FKRP: variants seen among roughly 807,000 people sequenced by gnomAD.
FKRP encodes the protein fukutin related protein, also known as ribitol 5-phosphate transferase FKRP.
FKRP carries 25 observed loss-of-function variants against 30.6 expected under a neutral mutation model. That is an observed-to-expected ratio of 0.82 (90% CI 0.60 to 1.14). The LOEUF is 1.14. FKRP is among the 50% of genes most tolerant of loss of function. The pLI is 0.00. For missense variants in FKRP, 771 were observed against 727.8 expected (o/e 1.06, Z -0.68); for synonymous variants, 358 against 342.5 (o/e 1.05, Z -0.50).
intron 3 of FKRP, among the ~76,000 whole-genome samples, chr19:46,751,712 C>T (rs2054796584): frequency 6.6e-6 from 1 of 152,054 alleles, no homozygotes; most frequent in Non-Finnish European, 1.5e-5. Context: ...ACTACAGGCG[C>T]CCGCCACCGC....
At chr19:46,747,415 CAG>C (rs2054672892) in intron 1 of FKRP, 1 of 121,248 alleles carries the variant, frequency 8.2e-6, no homozygotes, top group African/African-American at 3.3e-5. Flanking sequence ...TTTTTTGAGA[CAG>C]AGTGTAACTC....
chr19:46,753,557 T>G (rs1599929652), intron 3 of FKRP, among the ~76,000 whole-genome samples: 1 of 146,624 alleles, frequency 6.8e-6, no homozygotes, highest in African/African-American at 2.5e-5. Flanking sequence ...GAGATGAGGG[T>G]GGAATGGGGG....
At position 46,756,145 on chromosome 19, in the gene FKRP, C is replaced by A; in HGVS notation, c.695C>A (p.Ala232Glu). 1 of 1,477,660 alleles carries A rather than the reference C, an allele frequency of 6.8e-7. No homozygotes were observed. Among genetic ancestry groups the A allele is most frequent in the Non-Finnish European group, 8.9e-7 (1 of 1,122,720 alleles). 91.5% of individuals were successfully genotyped at this position (1,477,660 alleles called of 1,614,324 possible). ...CTGCAGACCGCCCTTCGCGGCTGGG[C>A]GGTGCAGCTGCTGGACTTGACCTTC... ...LFLQTALRGW[A>E]VQLLDLTFAA... The change falls in exon 4 of 4, where the codon GCG becomes GAG. Residue 232 changes from alanine (A) to glutamate (E), a missense_variant. Coordinates refer to ENST00000318584, the MANE Select transcript of FKRP (RefSeq NM_024301.5). This position sits in a 1 kb window ranked among gnomAD's most constrained non-coding sequence, Gnocchi z 6.6.
rs754403441 is a variant in FKRP, at chr19:46,756,585, C to CG, written c.1141dup (p.Ala381GlyfsTer9). ...GGACGTGGGCAACTGCGAGCAGCTG[C>CG]GGGGGGCAGAGGCCGGCTCGGTGGT... is the stretch of plus-strand genomic sequence containing the variant. On this transcript the variant is annotated frameshift_variant, in exon 4 of 4. Coordinates refer to ENST00000318584, the MANE Select transcript of FKRP (RefSeq NM_024301.5). LOFTEE classifies it high-confidence loss of function. This position sits in a 1 kb window ranked among gnomAD's most constrained non-coding sequence, Gnocchi z 6.6. 9.9e-6 allele frequency: 16 copies of CG among 1,610,046 alleles called. No homozygotes were observed. Among genetic ancestry groups the CG allele is most frequent in the African/African-American group, 1.3e-5 (1 of 74,862 alleles).
chr19:46,750,791 A>G (rs184684293), intron 3 of FKRP, among the ~76,000 whole-genome samples: 2 of 151,584 alleles, frequency 1.3e-5, no homozygotes, highest in Admixed American at 1.3e-4. Flanking sequence ...AGCTTCCCAT[A>G]GTGCTAGGAT....
chr19:46,746,504 TC>T (rs2054633503), intron 1 of FKRP: 19 of 562,000 alleles, frequency 3.4e-5, no homozygotes, highest in Non-Finnish European at 3.8e-5. Context: ...CCCCCCCCCC[TC>T]CCCCGCCGCA....
At chr19:46,754,401 A>G (rs1468959234) in intron 3 of FKRP, 1 of 70,836 alleles carries the variant, frequency 1.4e-5, no homozygotes, top group Non-Finnish European at 2.9e-5. Flanking sequence ...TTATTTATTT[A>G]TTTATTTTTT....
At position 46,747,199 on chromosome 19, in the gene FKRP, C is replaced by A. The variant is rs376606384; in HGVS notation, c.-252-828C>A. On this transcript the variant is annotated intron_variant, in intron 1 of 3. Coordinates refer to ENST00000318584, the MANE Select transcript of FKRP (RefSeq NM_024301.5). ...GTCTTCCCCTTCCCATCGTGGGAGGCCCATGCACCAAACTAACCAGGTGTT... is the reference window on the plus strand; with the variant it reads ...GTCTTCCCCTTCCCATCGTGGGAGGACCATGCACCAAACTAACCAGGTGTT... 7 of 152,534 alleles carry A rather than the reference C, an allele frequency of 4.6e-5. No individual in the cohort carries two copies. In the East Asian group the frequency reaches 5.8e-4, roughly 13 times the overall value. The allele number at this position is 152,534 out of a possible 1,614,324, so 9.4% of individuals were successfully genotyped here. A position where few individuals can be genotyped will look rare whatever the true frequency, so the allele number is the denominator to read the frequency against.
Position 46,757,030 on chromosome 19 carries a change from G to C in FKRP, c.*92G>C. ...GTGAGGGGTGGAGGGATGTCGCGGA[G>C]AGGGGAAGGGGGAAACTGACCAAGA... On this transcript the variant is annotated 3_prime_UTR_variant, in exon 4 of 4. Coordinates refer to ENST00000318584, the MANE Select transcript of FKRP (RefSeq NM_024301.5). The C allele has an allele frequency of 6.6e-7, 1 of 1,516,332 alleles. No homozygotes were observed. The highest frequency in any genetic ancestry group is 9.0e-7 in the Non-Finnish European group (1 of 1,106,172). 93.9% of individuals were successfully genotyped at this position (1,516,332 alleles called of 1,614,324 possible).
chr19:46,745,866 G>A, upstream of FKRP: 1 of 321,122 alleles, frequency 3.1e-6, no homozygotes, highest in Non-Finnish European at 5.7e-6. Context: ...AGCTGGTTGT[G>A]GTCCCTCCGC....
At chr19:46,746,332 C>T (rs896875286) in intron 1 of FKRP, 570 of 1,287,848 alleles carry the variant, frequency 4.4e-4, no homozygotes, top group Non-Finnish European at 5.4e-4. Flanking sequence ...GGGCGGAGAC[C>T]GGGGCCGCCC....
At chr19:46,754,212 A>G (rs1332531030) in intron 3 of FKRP, 1 of 151,432 alleles carries the variant, frequency 6.6e-6, no homozygotes, top group African/African-American at 2.4e-5. Flanking sequence ...CTAATTTTTT[A>G]TTTTTTGTAG....
Position 46,755,637 on chromosome 19 carries a change from G to A in FKRP, c.187G>A (p.Val63Met), listed in dbSNP as rs955514933. 5 of 1,600,530 alleles carry A rather than the reference G, an allele frequency of 3.1e-6. No homozygotes were observed. The African/African-American group carries it at 6.7e-5, about 21-fold the overall frequency. The change falls in exon 4 of 4, where the codon GTG (valine) becomes ATG (methionine). Residue 63 changes from valine (V) to methionine (M), a missense_variant. Transcript: ENST00000318584. ...GGAGTTCGAGGCATTTGACAACGCG[G>A]TGCCCGAGCTGGTAGACTCCTTCCT... ...VREFEAFDNA[V>M]PELVDSFLQQ...
rs756295058 is a variant in FKRP, at chr19:46,755,459, C to T, written c.9C>T (p.Leu3=). ...CCCCAGACTTCGGCCCCATGCGGCTCACCCGCTGCCAGGCTGCCCTGGCGG... is the reference window on the plus strand; with the variant it reads ...CCCCAGACTTCGGCCCCATGCGGCTTACCCGCTGCCAGGCTGCCCTGGCGG... The part of the protein sequence containing the change: MR[L]TRCQAALAAA... The change falls in exon 4 of 4, where the codon CTC becomes CTT. Residue 3 remains leucine (L), a synonymous_variant. Coordinates refer to ENST00000318584, the MANE Select transcript of FKRP (RefSeq NM_024301.5). 15 of 1,606,350 alleles carry T rather than the reference C, an allele frequency of 9.3e-6. No homozygotes were observed. In the Admixed American group the frequency reaches 1.0e-4, roughly 11 times the overall value.
chr19:46,746,344 A>G, intron 1 of FKRP: 1 of 1,253,864 alleles, frequency 8.0e-7, no homozygotes, highest in Non-Finnish European at 1.0e-6. Flanking sequence ...GGGCCGCCCC[A>G]GTGGGGCCAG....
intron 1 of FKRP, chr19:46,746,378 C>G: frequency 8.9e-7 from 1 of 1,121,940 alleles, no homozygotes; most frequent in Non-Finnish European, 1.1e-6. Context: ...GCCGAGCGGA[C>G]GGCAGGAGGA....
chr19:46,746,488 C>T (rs2054628177), intron 1 of FKRP: 2 of 870,420 alleles, frequency 2.3e-6, no homozygotes, highest in South Asian at 1.1e-4. Context: ...CGCGGCCGCG[C>T]CAACACCCCC....
chr19:46,749,408 C>CTTT lies in FKRP; in HGVS notation c.-40+762_-40+764dup, dbSNP rs34544320. ...CTTTAACTCTCTGTGCCTTTGTTTC[C>CTTT]TTTTTTTTTTTTTTTTTTTTTGAGA... On this transcript the variant is annotated intron_variant, in intron 3 of 3. Transcript: ENST00000318584. 4.1e-3 allele frequency among the ~76,000 whole-genome samples: 469 copies of CTTT among 114,818 alleles called. 6 individuals carry two copies. The highest frequency in any genetic ancestry group is 9.9e-3 in the Middle Eastern group (2 of 202). The allele number at this position is 114,818 out of a possible 152,430, so 75.3% of individuals were successfully genotyped here. A position where few individuals can be genotyped will look rare whatever the true frequency, so the allele number is the denominator to read the frequency against.
upstream of FKRP, among the ~76,000 whole-genome samples, chr19:46,745,280 G>T (rs2054559835): frequency 6.6e-6 from 1 of 152,026 alleles, no homozygotes. Flanking sequence ...CCCCCAAAGT[G>T]GAACTTCCAC....
Sources: gnomAD v4.1 joint callset for allele counts (sites outside exome capture counted in the v4.1 genomes callset) on GRCh38, gnomAD v4.1.1 for gene constraint, Gnocchi (gnomAD v3.1) non-coding constraint, MANE v1.5 for transcripts, NCBI Gene and HGNC (gene_info 2026-07-23, HGNC 2026-07-21) for gene names.